Variants in PUDP observed in about 807,000 individuals in gnomAD.
The protein encoded by PUDP is pseudouridine-5'-phosphatase.
PUDP carries 8 observed loss-of-function variants against 9.4 expected under a neutral mutation model. The ratio of observed to expected loss-of-function variants is 0.85; its 90% CI spans 0.50 to 1.53. The LOEUF (loss-of-function observed/expected upper bound fraction) is 1.53, where lower values mean the gene tolerates loss of function less well. PUDP is among the 40% of genes most tolerant of loss of function. The probability of loss-of-function intolerance (pLI) is 0.00; values close to 1 mark genes in which losing one functional copy is unlikely to be tolerated. For synonymous variants in PUDP, 99 were observed against 80.7 expected, an observed-to-expected ratio of 1.23 and a Z score of -1.22; for missense variants, 188 against 189.7, an observed-to-expected ratio of 0.99 and a Z score of 0.05.
intron 3 of PUDP, among the ~76,000 whole-genome samples, chrX:6,728,133 T>C (rs981284243): frequency 7.2e-5 from 8 of 110,881 alleles, no homozygotes; most frequent in Non-Finnish European, 1.5e-4. Context: ...CAAGAGAGAA[T>C]GAGAACCAAG....
downstream of PUDP, among the ~76,000 whole-genome samples, chrX:7,045,923 C>T (rs1929977820): frequency 8.9e-6 from 1 of 111,918 alleles, no homozygotes; most frequent in Non-Finnish European, 1.9e-5. Flanking sequence ...TGCTCTTAAA[C>T]TGGAATTGAA....
chrX:6,980,645 C>T (rs767008488), intron 1 of PUDP, among the ~76,000 whole-genome samples: 1 of 108,146 alleles, frequency 9.2e-6, no homozygotes, highest in Non-Finnish European at 1.9e-5. Flanking sequence ...TCTGAGGATT[C>T]AACCAACTAT....
intron 3 of PUDP, among the ~76,000 whole-genome samples, chrX:6,886,980 A>AAT (rs889987276): frequency 1.9e-5 from 2 of 106,776 alleles, no homozygotes; most frequent in Non-Finnish European, 1.9e-5. Flanking sequence ...TGCAGCTCCA[A>AAT]ATATATATAT....
chrX:6,799,995 T>G (rs1424392293), intron 3 of PUDP, among the ~76,000 whole-genome samples: 2 of 112,287 alleles, frequency 1.8e-5, no homozygotes, highest in Non-Finnish European at 3.8e-5. Flanking sequence ...AGTATCTATT[T>G]TAGCGAGTAC....
At chrX:6,932,985 G>A (rs1440493414) in intron 3 of PUDP, among the ~76,000 whole-genome samples, 1 of 110,191 alleles carries the variant, frequency 9.1e-6, no homozygotes, top group Non-Finnish European at 1.9e-5. Context: ...ACTGGGTGGA[G>A]CCCACCACAG....
intron 3 of PUDP, among the ~76,000 whole-genome samples, chrX:6,822,153 G>A (rs1386628187): frequency 2.7e-5 from 3 of 111,314 alleles, no homozygotes; most frequent in Non-Finnish European, 3.8e-5. Flanking sequence ...TGGTGTGACC[G>A]CGTCCTAGTT....
chrX:6,933,867 CA>C (rs1928249041), intron 3 of PUDP, among the ~76,000 whole-genome samples: 2 of 110,703 alleles, frequency 1.8e-5, no homozygotes, highest in African/African-American at 6.6e-5. Flanking sequence ...CGATCAACTG[CA>C]AGAAAGGGTA....
At chrX:7,065,554 C>A (rs1003853165) in intron 3 of PUDP, among the ~76,000 whole-genome samples, 3 of 112,274 alleles carry the variant, frequency 2.7e-5, no homozygotes, top group African/African-American at 9.7e-5. Context: ...CACCTTGATC[C>A]TCGCATAAAT....
chrX:6,885,426 G>A (rs72609579), intron 3 of PUDP, among the ~76,000 whole-genome samples: 10,332 of 111,694 alleles, frequency 0.093, 607 homozygotes, highest in East Asian at 0.46. Flanking sequence ...TGATGTACCC[G>A]TGAGAAGAGA....
intron 1 of PUDP, among the ~76,000 whole-genome samples, chrX:7,147,634 G>A (rs1359888673): frequency 8.9e-6 from 1 of 112,277 alleles, no homozygotes; most frequent in Admixed American, 9.3e-5. Context: ...TTGCAGACGG[G>A]GAAGCTGAGG....
chrX:6,838,520 A>G (rs1430951947), intron 3 of PUDP, among the ~76,000 whole-genome samples: 1 of 112,409 alleles, frequency 8.9e-6, no homozygotes, highest in Non-Finnish European at 1.9e-5. Context: ...ATAATTTTCT[A>G]CGTGCTTCTA....
chrX:6,721,915 C>T (rs1433726657), upstream of PUDP, among the ~76,000 whole-genome samples: 2 of 111,118 alleles, frequency 1.8e-5, no homozygotes, highest in Admixed American at 1.9e-4. Context: ...TAGTAAATAT[C>T]AAGACATTAG....
At chrX:6,709,785 T>C (rs765364390) in intron 1 of PUDP, among the ~76,000 whole-genome samples, 2 of 112,222 alleles carry the variant, frequency 1.8e-5, no homozygotes, top group Non-Finnish European at 3.8e-5. Flanking sequence ...AGTTTCCTTA[T>C]TTTCTCAAAC....
chrX:7,074,652 A>T (rs1930840622), intron 3 of PUDP, among the ~76,000 whole-genome samples: 1 of 112,439 alleles, frequency 8.9e-6, no homozygotes. Flanking sequence ...CTCAGGTTAA[A>T]CAACAACAAC....
chrX:6,887,705 GCCTTGTTATAA>G (rs996543493), intron 3 of PUDP, among the ~76,000 whole-genome samples: 1 of 112,072 alleles, frequency 8.9e-6, no homozygotes, highest in African/African-American at 3.2e-5. Flanking sequence ...TAGTAACAAT[GCCTTGTTATAA>G]ATACAGCTTC....
chrX:6,801,328 G>A (rs377043555), intron 3 of PUDP, among the ~76,000 whole-genome samples: 7 of 111,436 alleles, frequency 6.3e-5, no homozygotes, highest in South Asian at 7.5e-4. Context: ...TGGGTAAGTC[G>A]TCAGAGCTGA....
chrX:7,013,349 A>C (rs1929504094), intron 1 of PUDP, among the ~76,000 whole-genome samples: 1 of 112,234 alleles, frequency 8.9e-6, no homozygotes, highest in Non-Finnish European at 1.9e-5. Context: ...AATCAATCCA[A>C]TATCAACTTC....
At chrX:7,099,640 TC>T (rs1931670609) in intron 2 of PUDP, among the ~76,000 whole-genome samples, 1 of 112,068 alleles carries the variant, frequency 8.9e-6, no homozygotes, top group Non-Finnish European at 1.9e-5. Context: ...CCACTCTGCC[TC>T]GTCTTTCAAG....
At chrX:7,072,833 A>C (rs1368663375) in intron 3 of PUDP, among the ~76,000 whole-genome samples, 1 of 105,368 alleles carries the variant, frequency 9.5e-6, no homozygotes, top group African/African-American at 3.4e-5. Flanking sequence ...AAAAAAAAAC[A>C]AAACTGATTT....
Sources: gnomAD v4.1 joint callset for allele counts (sites outside exome capture counted in the v4.1 genomes callset) on GRCh38, gnomAD v4.1.1 for gene constraint, MANE v1.5 for transcripts, NCBI Gene and HGNC (gene_info 2026-07-23, HGNC 2026-07-21) for gene names.